COMMD2: variants seen among roughly 807,000 people sequenced by gnomAD.
COMMD2 encodes the protein COMM domain-containing protein 2.
In COMMD2, 25 loss-of-function variants were observed where a neutral mutation model predicts 22.5. The observed-to-expected ratio is 1.11, with a 90% CI of 0.81 to 1.55. The LOEUF (loss-of-function observed/expected upper bound fraction) is 1.55, where lower values mean the gene tolerates loss of function less well. Ranked by LOEUF, COMMD2 falls within the 40% of genes most tolerant of loss-of-function variation. The probability of loss-of-function intolerance (pLI) is 0.00; values close to 1 mark genes in which losing one functional copy is unlikely to be tolerated. For synonymous variants in COMMD2, 98 were observed against 91.2 expected, an observed-to-expected ratio of 1.07 and a Z score of -0.42; for missense variants, 223 against 232.9, an observed-to-expected ratio of 0.96 and a Z score of 0.28.
chr3:149,744,940 A>G (rs1302317557), intron 4 of COMMD2, among the ~76,000 whole-genome samples: 1 of 152,224 alleles, frequency 6.6e-6, no homozygotes, highest in Non-Finnish European at 1.5e-5. Flanking sequence ...GTTTAATTTT[A>G]GAAAATTCAA....
chr3:149,741,694 G>A lies in COMMD2; in HGVS notation c.427C>T (p.Gln143Ter). The A allele has an allele frequency of 6.2e-7, 1 of 1,613,750 alleles. No homozygotes were observed. Among genetic ancestry groups the A allele is most frequent in the African/African-American group, 1.3e-5 (1 of 74,978 alleles). The change falls in exon 5 of 5, where the codon CAG becomes TAG. Residue 143 changes from glutamine to a stop codon, truncating the protein, a stop_gained. Coordinates refer to ENST00000473414, the MANE Select transcript of COMMD2 (RefSeq NM_016094.4). LOFTEE classifies it high-confidence loss of function. ...VQLASRSLRQ[Q>*]IKPAVTIKLH... is the part of the protein sequence containing the mutation. The stretch of plus-strand genomic sequence containing the variant: ...TTTATAGTCACTGCTGGTTTAATCT[G>A]TTGCCTGAGACTTCTACTTGCAAGC...
chr3:149,752,353 G>A (rs1029704666), intron 1 of COMMD2, 25 bp downstream of exon 1: 1 of 1,614,084 alleles, frequency 6.2e-7, no homozygotes, highest in South Asian at 1.1e-5. Context: ...CCAGCCCACA[G>A]AACACCGCCC....
chr3:149,748,088 A>G (rs1025023427), intron 4 of COMMD2, among the ~76,000 whole-genome samples: 1 of 152,146 alleles, frequency 6.6e-6, no homozygotes, highest in South Asian at 2.1e-4. Flanking sequence ...AGGCAAACAA[A>G]GTATGATGCA....
Position 149,741,518 on chromosome 3 carries a change from GTAC to G in COMMD2, c.600_*2del. 6.2e-7 allele frequency: 1 copy of G among 1,607,382 alleles called. No individual in the cohort carries two copies. Among genetic ancestry groups the G allele is most frequent in the Non-Finnish European group, 8.5e-7 (1 of 1,174,086 alleles). ...CAAATGAATTAAAACCTTAAAACTG[GTAC>G]TACTTGATGTTGCGAACAACTCTCC... On this transcript the variant is annotated stop_lost and 3_prime_UTR_variant, in exon 5 of 5. Transcript: ENST00000473414.
intron 4 of COMMD2, chr3:149,750,313 G>T: frequency 2.6e-6 from 1 of 386,552 alleles, no homozygotes; most frequent in South Asian, 1.9e-5. Context: ...CTTCTGGGGT[G>T]TGAGTCACAG....
intron 4 of COMMD2, among the ~76,000 whole-genome samples, chr3:149,748,415 T>C (rs1423861191): frequency 1.3e-5 from 2 of 152,210 alleles, no homozygotes; most frequent in Admixed American, 6.5e-5. Flanking sequence ...TGGTCCCTGC[T>C]ATCCCAGTGT....
intron 4 of COMMD2, among the ~76,000 whole-genome samples, chr3:149,742,803 C>A (rs1294323967): frequency 6.6e-6 from 1 of 151,804 alleles, no homozygotes; most frequent in Non-Finnish European, 1.5e-5. Flanking sequence ...CCTGTCTCTA[C>A]TAAAAATACA....
rs879805398 is a variant in COMMD2, at chr3:149,748,448, A to ACAAAAAAC, written c.402+2222_402+2229dup. On this transcript the variant is annotated intron_variant, in intron 4 of 4. Transcript: ENST00000473414. ...TGTTTACAGTTTAGTAAAACAAAAA[A>ACAAAAAAC]CAAAAAACCAAAAAACCAGCTACAT... Among the ~76,000 whole-genome samples the ACAAAAAAC allele has an allele frequency of 2.1e-3, 326 of 152,334 alleles. 6 individuals are homozygous for ACAAAAAAC. Among genetic ancestry groups the ACAAAAAAC allele is most frequent in the Admixed American group, 0.019 (285 of 15,308 alleles).
intron 4 of COMMD2, among the ~76,000 whole-genome samples, chr3:149,744,195 T>A (rs140997030): frequency 6.6e-6 from 1 of 151,734 alleles, no homozygotes; most frequent in Admixed American, 6.6e-5. Context: ...TCAATGCAAA[T>A]TAGAAAAAAG....
intron 3 of COMMD2, 36 bp from the exon 4 acceptor site, chr3:149,750,887 A>G (rs754259318): frequency 1.5e-6 from 2 of 1,339,366 alleles, no homozygotes. Context: ...ATCAAAATTT[A>G]TCTTTGTCTA....
intron 4 of COMMD2, among the ~76,000 whole-genome samples, chr3:149,744,369 T>C (rs1021880153): frequency 3.3e-5 from 5 of 152,156 alleles, no homozygotes; most frequent in African/African-American, 1.2e-4. Context: ...GCAAACAATA[T>C]GTGGGCAAGA....
chr3:149,749,504 C>A (rs1716470026), intron 4 of COMMD2, among the ~76,000 whole-genome samples: 2 of 152,198 alleles, frequency 1.3e-5, no homozygotes, highest in Admixed American at 1.3e-4. Flanking sequence ...TCAGGCTGAA[C>A]TCTATACCAA....
intron 4 of COMMD2, among the ~76,000 whole-genome samples, chr3:149,746,769 G>A (rs903758999): frequency 1.3e-5 from 2 of 152,152 alleles, no homozygotes; most frequent in African/African-American, 4.8e-5. Context: ...GCTACACAGC[G>A]AGACTCTGTC....
intron 2 of COMMD2, chr3:149,751,973 G>A (rs937325032): frequency 4.3e-6 from 2 of 462,960 alleles, no homozygotes; most frequent in Non-Finnish European, 7.6e-6. Flanking sequence ...TGAAAGTAAG[G>A]TGGTATTATG....
rs1032261049 is a variant in COMMD2 at position 149,741,208 on chromosome 3, A to G, written c.*313T>C. 1 of 249,414 alleles carries G rather than the reference A, an allele frequency of 4.0e-6. No homozygotes were observed. Among genetic ancestry groups the G allele is most frequent in the African/African-American group, 2.2e-5 (1 of 44,660 alleles). The allele number at this position is 249,414 out of a possible 1,614,324, so 15.5% of individuals were successfully genotyped here. On this transcript the variant is annotated 3_prime_UTR_variant, in exon 5 of 5. Transcript: ENST00000473414. ...CCTCCTGAGTAGCTGGGACTCTGAT[A>G]GATGCGTGCCACCACACCTGGCTAA...
In COMMD2 at chr3:149,738,752, T is replaced by G. The variant is rs1716127245; in HGVS notation, c.*2769A>C. ...TGAAGGGGCACATACTGTTATGAAT[T>G]TTAATGGCTCCTACACATGCATCCT... On this transcript the variant is annotated 3_prime_UTR_variant, in exon 5 of 5. Coordinates refer to ENST00000473414, the MANE Select transcript of COMMD2 (RefSeq NM_016094.4). 6.6e-6 allele frequency: 1 copy of G among 152,184 alleles called. No homozygotes were observed. The highest frequency in any genetic ancestry group is 6.5e-5 in the Admixed American group (1 of 15,278). The allele number at this position is 152,184 out of a possible 1,614,324, so 9.4% of individuals were successfully genotyped here.
intron 4 of COMMD2, among the ~76,000 whole-genome samples, chr3:149,750,033 A>G (rs944753591): frequency 6.6e-5 from 10 of 152,220 alleles, no homozygotes; most frequent in African/African-American, 2.4e-4. Flanking sequence ...CATTCAATAC[A>G]CATCTACTAA....
At chr3:149,746,500 G>T (rs528415659) in intron 4 of COMMD2, among the ~76,000 whole-genome samples, 7 of 152,102 alleles carry the variant, frequency 4.6e-5, no homozygotes, top group Admixed American at 3.3e-4. Context: ...GGCCGGGTAC[G>T]GTGGCTTACG....
rs1478824093 is a variant in COMMD2 at position 149,740,353 on chromosome 3, C to T, written c.*1168G>A. On this transcript the variant is annotated 3_prime_UTR_variant, in exon 5 of 5. Coordinates refer to ENST00000473414, the MANE Select transcript of COMMD2 (RefSeq NM_016094.4). ...GTAATAAACATGGCCTTCCTTCCCT[C>T]ATCATAGTTTATTCAAATTATAAAA... 2 of 152,202 alleles carry T rather than the reference C, an allele frequency of 1.3e-5. No homozygotes were observed. The highest frequency in any genetic ancestry group is 2.9e-5 in the Non-Finnish European group (2 of 68,034). 9.4% of individuals were successfully genotyped at this position (152,202 alleles called of 1,614,324 possible). A position where few individuals can be genotyped will look rare whatever the true frequency, so the allele number is the denominator to read the frequency against.
Sources: gnomAD v4.1 joint callset for allele counts (sites outside exome capture counted in the v4.1 genomes callset) on GRCh38, gnomAD v4.1.1 for gene constraint, MANE v1.5 for transcripts, NCBI Gene and HGNC (gene_info 2026-07-23, HGNC 2026-07-21) for gene names.